Variants in TXLNB observed in about 807,000 individuals in gnomAD.
TXLNB encodes beta-taxilin.
A neutral mutation model predicts 57.4 loss-of-function variants in TXLNB; 37 were observed. That is an observed-to-expected ratio of 0.64 (90% CI 0.50 to 0.85). The LOEUF (loss-of-function observed/expected upper bound fraction) is 0.85, where lower values mean the gene tolerates loss of function less well. TXLNB is among the 40% of genes least tolerant of loss of function. The pLI, the probability that TXLNB is intolerant of heterozygous loss-of-function variation, is 0.00. For synonymous variants in TXLNB, 302 were observed against 309.6 expected (o/e 0.98, Z 0.26); for missense variants, 848 against 825.6 (o/e 1.03, Z -0.33).
At chr6:139,245,104 C>T (rs1380126011) in intron 8 of TXLNB, among the ~76,000 whole-genome samples, 1 of 152,198 alleles carries the variant, frequency 6.6e-6, no homozygotes, top group Non-Finnish European at 1.5e-5. Flanking sequence ...CTGGGCACAT[C>T]TGAGAAGTTG....
At chr6:139,264,216 G>A (rs890180730) in intron 4 of TXLNB, among the ~76,000 whole-genome samples, 9 of 152,036 alleles carry the variant, frequency 5.9e-5, no homozygotes, top group African/African-American at 1.4e-4. Context: ...TATGTGTTTC[G>A]CTAAAAATAA....
intron 2 of TXLNB, chr6:139,277,202 G>C (rs867525687): frequency 1.0e-5 from 3 of 298,028 alleles, no homozygotes; most frequent in Admixed American, 5.3e-5. Context: ...ACAAGAATCC[G>C]TTCTTATTTC....
At chr6:139,268,018 G>A (rs1007386122) in intron 4 of TXLNB, among the ~76,000 whole-genome samples, 2 of 151,962 alleles carry the variant, frequency 1.3e-5, no homozygotes, top group Non-Finnish European at 2.9e-5. Context: ...AGGCATGGTG[G>A]CGGGTGCCTG....
chr6:139,323,706 G>A, the TXLNB span, among the ~76,000 whole-genome samples: 1 of 152,304 alleles, frequency 6.6e-6, no homozygotes, highest in Admixed American at 6.5e-5. Context: ...CTGCTGCATT[G>A]TCTTCTCTAG....
the TXLNB span, among the ~76,000 whole-genome samples, chr6:139,229,359 G>A: frequency 6.6e-6 from 1 of 151,960 alleles, no homozygotes; most frequent in East Asian, 1.9e-4. Flanking sequence ...TTTCTCTCTT[G>A]TTGCCCAGGC....
chr6:139,313,717 G>A, the TXLNB span, among the ~76,000 whole-genome samples: 1 of 152,072 alleles, frequency 6.6e-6, no homozygotes, highest in Admixed American at 6.6e-5. Context: ...CCCTGTGGCA[G>A]GCAGCCCCAG....
intron 3 of TXLNB, among the ~76,000 whole-genome samples, chr6:139,274,964 A>G (rs1345758442): frequency 3.3e-5 from 5 of 152,182 alleles, no homozygotes. Context: ...TGACACCTAA[A>G]TTATTTTTAT....
the TXLNB span, among the ~76,000 whole-genome samples, chr6:139,184,987 C>CT: frequency 1.3e-5 from 2 of 152,176 alleles, no homozygotes; most frequent in Non-Finnish European, 2.9e-5. Flanking sequence ...CGCTTTATGC[C>CT]TTTTTGTTAT....
chr6:139,315,372 T>A, the TXLNB span, among the ~76,000 whole-genome samples: 1 of 152,236 alleles, frequency 6.6e-6, no homozygotes, highest in African/African-American at 2.4e-5. Context: ...AATTGCCCTG[T>A]CTTGATAAAT....
At chr6:139,256,488 C>G (rs888996218) in intron 6 of TXLNB, among the ~76,000 whole-genome samples, 2 of 152,214 alleles carry the variant, frequency 1.3e-5, no homozygotes, top group Non-Finnish European at 2.9e-5. Context: ...TGCCACCATG[C>G]CCAGCTAATT....
chr6:139,234,579 T>TTGG, the TXLNB span: 1 of 152,244 alleles, frequency 6.6e-6, no homozygotes, highest in Non-Finnish European at 1.5e-5. Context: ...GGCCTGTGGG[T>TTGG]GCACAGAAGT....
the TXLNB span, among the ~76,000 whole-genome samples, chr6:139,207,654 T>C: frequency 6.6e-6 from 1 of 151,858 alleles, no homozygotes; most frequent in African/African-American, 2.4e-5. Context: ...GAAATAAAAT[T>C]GAAACAAAAA....
chr6:139,303,913 C>G, the TXLNB span, among the ~76,000 whole-genome samples: 1 of 149,596 alleles, frequency 6.7e-6, no homozygotes, highest in Non-Finnish European at 1.5e-5. Context: ...AGAAACATCT[C>G]AGTCTTTGTT....
At chr6:139,292,375 C>G (rs545632324), upstream of TXLNB, among the ~76,000 whole-genome samples, 11 of 152,260 alleles carry the variant, frequency 7.2e-5, no homozygotes, top group South Asian at 1.0e-3. This position sits in a 1 kb window ranked among gnomAD's most constrained non-coding sequence, Gnocchi z 4.0. Context: ...ATCAGTTTTT[C>G]TTACTTCTTG....
chr6:139,167,861 TG>T, the TXLNB span, among the ~76,000 whole-genome samples: 2 of 152,058 alleles, frequency 1.3e-5, no homozygotes, highest in African/African-American at 4.8e-5. Flanking sequence ...GGAGGGGCGA[TG>T]GGGAAGCTTA....
the TXLNB span, among the ~76,000 whole-genome samples, chr6:139,169,162 G>A: frequency 1.3e-5 from 2 of 151,888 alleles, no homozygotes; most frequent in Non-Finnish European, 2.9e-5. Context: ...GACAATTTCC[G>A]CTACCCTATT....
chr6:139,195,574 C>G, the TXLNB span, among the ~76,000 whole-genome samples: 10 of 152,102 alleles, frequency 6.6e-5, no homozygotes, highest in African/African-American at 2.4e-4. Flanking sequence ...TCAAAAGAAC[C>G]AGAAAAACCG....
At chr6:139,228,075 A>C in the TXLNB span, among the ~76,000 whole-genome samples, 3 of 152,358 alleles carry the variant, frequency 2.0e-5, no homozygotes, top group South Asian at 6.2e-4. Context: ...CTATTTCCAT[A>C]GAAGTTAATT....
Position 139,242,389 on chromosome 6 carries a change from G to C in TXLNB, c.*137C>G. The C allele has an allele frequency of 1.6e-6, 1 of 639,320 alleles. No individual in the cohort carries two copies. The highest frequency in any genetic ancestry group is 3.4e-5 in the East Asian group (1 of 29,726). 39.6% of individuals were successfully genotyped at this position (639,320 alleles called of 1,614,324 possible). On this transcript the variant is annotated 3_prime_UTR_variant, in exon 10 of 10. Coordinates refer to ENST00000358430, the MANE Select transcript of TXLNB (RefSeq NM_153235.4). ...AGCAAAGTCTGAATGAATGTGTTCTGCCTAACATTAAAAAATGTCTTGATC... is the reference window on the plus strand; with the variant it reads ...AGCAAAGTCTGAATGAATGTGTTCTCCCTAACATTAAAAAATGTCTTGATC...
Sources: gnomAD v4.1 joint callset for allele counts (sites outside exome capture counted in the v4.1 genomes callset) on GRCh38, gnomAD v4.1.1 for gene constraint, Gnocchi (gnomAD v3.1) non-coding constraint, MANE v1.5 for transcripts, NCBI Gene and HGNC (gene_info 2026-07-23, HGNC 2026-07-21) for gene names.